Variants in RABGAP1L observed in about 807,000 individuals in gnomAD.
The protein encoded by RABGAP1L is RAB GTPase activating protein 1 like, also known as rab GTPase-activating protein 1-like.
Under a neutral mutation model 137.7 loss-of-function variants are expected in RABGAP1L, and 63 were observed. That is an observed-to-expected ratio of 0.46 (90% CI 0.37 to 0.56). The LOEUF is 0.56. Among genes scored for constraint, RABGAP1L ranks in the 20% least tolerant of loss-of-function variants. The pLI, the probability that RABGAP1L is intolerant of heterozygous loss-of-function variation, is 0.00. For synonymous variants in RABGAP1L, 431 were observed against 433.7 expected, an observed-to-expected ratio of 0.99 and a Z score of 0.08; for missense variants, 1,095 against 1,244.0, an observed-to-expected ratio of 0.88 and a Z score of 1.80.
intron 1 of RABGAP1L, among the ~76,000 whole-genome samples, chr1:174,214,519 G>A (rs1232196294): frequency 6.6e-6 from 1 of 152,126 alleles, no homozygotes; most frequent in East Asian, 1.9e-4. Flanking sequence ...AAAAGACCCA[G>A]AATAGCCAAA....
intron 16 of RABGAP1L, among the ~76,000 whole-genome samples, chr1:174,701,600 G>A (rs1679653508): frequency 6.6e-6 from 1 of 151,942 alleles, no homozygotes; most frequent in Non-Finnish European, 1.5e-5. Flanking sequence ...AAAAATAATC[G>A]GGCCTGGTGG....
At chr1:174,358,578 C>T (rs1001819225) in intron 11 of RABGAP1L, among the ~76,000 whole-genome samples, 12 of 152,170 alleles carry the variant, frequency 7.9e-5, no homozygotes, top group African/African-American at 2.4e-4. Context: ...ACACAGAGTA[C>T]GTGACTGCTT....
At chr1:174,389,282 T>C (rs948299295) in intron 12 of RABGAP1L, among the ~76,000 whole-genome samples, 5 of 151,944 alleles carry the variant, frequency 3.3e-5, no homozygotes, top group Non-Finnish European at 7.4e-5. Flanking sequence ...GTTATAGTCT[T>C]TTCCTTTCTA....
Position 174,239,171 on chromosome 1 carries a change from A to G in RABGAP1L, c.543-2312A>G, listed in dbSNP as rs954316908. On this transcript the variant is annotated intron_variant, in intron 4 of 25. Coordinates refer to ENST00000681986, the MANE Select transcript of RABGAP1L (RefSeq NM_001366446.1). The stretch of plus-strand genomic sequence containing the variant: ...AACTGGCCTGCGCCCACTGTCTGGC[A>G]CTCCCTAGTGAGATGAACCCGGTAC... Among the ~76,000 whole-genome samples the G allele has an allele frequency of 7.2e-5, 11 of 152,086 alleles. No homozygotes were observed. The East Asian group carries it at 1.9e-3, about 27-fold the overall frequency.
At chr1:174,254,390 A>G (rs933994682) in intron 7 of RABGAP1L, among the ~76,000 whole-genome samples, 1 of 152,300 alleles carries the variant, frequency 6.6e-6, no homozygotes, top group Non-Finnish European at 1.5e-5. Context: ...TTACGTAGGT[A>G]TACCTGTGCC....
chr1:174,474,923 C>T (rs1056888125), intron 13 of RABGAP1L, among the ~76,000 whole-genome samples: 1 of 151,800 alleles, frequency 6.6e-6, no homozygotes, highest in African/African-American at 2.4e-5. Flanking sequence ...TTTCTGTCAT[C>T]TATAAAGCAG....
chr1:174,185,869 C>T (rs1316838223), intron 1 of RABGAP1L, among the ~76,000 whole-genome samples: 2 of 152,146 alleles, frequency 1.3e-5, no homozygotes, highest in Non-Finnish European at 1.5e-5. Flanking sequence ...AAAGTCGGGG[C>T]GCGGTGGCTC....
chr1:174,393,321 T>C (rs1647385151), intron 12 of RABGAP1L, among the ~76,000 whole-genome samples: 1 of 152,208 alleles, frequency 6.6e-6, no homozygotes, highest in Non-Finnish European at 1.5e-5. Flanking sequence ...CTAGAAAACC[T>C]ATCTTAGGTT....
intron 1 of RABGAP1L, among the ~76,000 whole-genome samples, chr1:174,193,260 G>A (rs890765714): frequency 3.3e-5 from 5 of 152,284 alleles, no homozygotes; most frequent in East Asian, 1.9e-4. Flanking sequence ...GGCTGAGCGC[G>A]GTGGCTCACG....
At chr1:174,197,594 T>C (rs1014104666) in intron 1 of RABGAP1L, among the ~76,000 whole-genome samples, 26 of 152,216 alleles carry the variant, frequency 1.7e-4, no homozygotes, top group East Asian at 1.9e-4. Flanking sequence ...GTTTTTAAAA[T>C]ATCTGTTATG....
chr1:174,621,054 C>T (rs1022739839), intron 13 of RABGAP1L, among the ~76,000 whole-genome samples: 9 of 151,858 alleles, frequency 5.9e-5, no homozygotes, highest in Non-Finnish European at 8.8e-5. Context: ...ATAAATTCCT[C>T]GACACATACA....
intron 19 of RABGAP1L, among the ~76,000 whole-genome samples, chr1:174,924,069 A>G (rs777684186): frequency 1.3e-5 from 2 of 151,952 alleles, no homozygotes; most frequent in Non-Finnish European, 2.9e-5. Flanking sequence ...AAACTACTGG[A>G]CAGTCTAGAA....
intron 13 of RABGAP1L, among the ~76,000 whole-genome samples, chr1:174,572,960 T>C (rs755271268): frequency 6.6e-6 from 1 of 151,482 alleles, no homozygotes; most frequent in Non-Finnish European, 1.5e-5. Context: ...TTAAGCCAAT[T>C]CCTTCATTTT....
chr1:174,327,992 T>TATAC (rs1262289105), intron 11 of RABGAP1L, among the ~76,000 whole-genome samples: 1 of 57,614 alleles, frequency 1.7e-5, no homozygotes, highest in African/African-American at 8.1e-5. Flanking sequence ...CACACATATA[T>TATAC]ATATATATAT....
intron 3 of RABGAP1L, among the ~76,000 whole-genome samples, chr1:174,227,014 A>T (rs961830703): frequency 6.6e-6 from 1 of 152,246 alleles, no homozygotes; most frequent in East Asian, 1.9e-4. Flanking sequence ...ATTGTGACAC[A>T]TGAAGCTTAT....
At chr1:174,678,514 A>G (rs1677810028) in intron 14 of RABGAP1L, among the ~76,000 whole-genome samples, 1 of 152,266 alleles carries the variant, frequency 6.6e-6, no homozygotes, top group Non-Finnish European at 1.5e-5. Context: ...TATAAAGGAT[A>G]ATAACTCTTG....
At chr1:174,537,627 C>T (rs917172375) in intron 13 of RABGAP1L, among the ~76,000 whole-genome samples, 27 of 152,226 alleles carry the variant, frequency 1.8e-4, no homozygotes, top group Admixed American at 1.4e-3. Flanking sequence ...GGCAGGGTGG[C>T]GGGCACCTGT....
intron 13 of RABGAP1L, among the ~76,000 whole-genome samples, chr1:174,635,410 C>G (rs957549636): frequency 6.6e-6 from 1 of 152,070 alleles, no homozygotes. Context: ...TTGGAGAAAA[C>G]CTGGCAGTGA....
At chr1:174,764,297 G>A (rs1444674285) in intron 18 of RABGAP1L, among the ~76,000 whole-genome samples, 1 of 152,136 alleles carries the variant, frequency 6.6e-6, no homozygotes, top group African/African-American at 2.4e-5. Context: ...GTGAACATAT[G>A]CTTTCAGTTC....
Sources: gnomAD v4.1 joint callset for allele counts (sites outside exome capture counted in the v4.1 genomes callset) on GRCh38, gnomAD v4.1.1 for gene constraint, MANE v1.5 for transcripts, NCBI Gene and HGNC (gene_info 2026-07-23, HGNC 2026-07-21) for gene names.